Variants in DCTN1 observed in about 807,000 individuals in gnomAD.
DCTN1 encodes the protein 150 kDa dynein-associated polypeptide.
In DCTN1, 61 loss-of-function variants were observed where a neutral mutation model predicts 161.2. That is an observed-to-expected ratio of 0.38 (90% CI 0.31 to 0.47). DCTN1 has a LOEUF of 0.47. DCTN1 is among the 20% of genes least tolerant of loss of function. The pLI is 0.99. For missense variants in DCTN1, 1,404 were observed against 1,623.7 expected (o/e 0.86, Z 2.33); for synonymous variants, 653 against 632.4 (o/e 1.03, Z -0.49).
Position 74,380,020 on chromosome 2 carries a change from C to G in DCTN1, c.18G>C (p.Arg6Ser), listed in dbSNP as rs554579142. Residue 6 changes from arginine to serine, a missense_variant, in exon 1 of 32, where the codon AGG becomes AGC. Arg to Ser is a moderately radical substitution (Grantham distance 110, BLOSUM62 -1). Transcript: ENST00000628224. MAQSKRHVYSRTPSGS... is the reference protein window; with the variant it reads MAQSKSHVYSRTPSGS... ...GGCCACTTACCCGGCTGTACACGTGCCTCTTGCTCTGTGCCATGTTGCTCA... is the reference window on the plus strand; with the variant it reads ...GGCCACTTACCCGGCTGTACACGTGGCTCTTGCTCTGTGCCATGTTGCTCA... 2 of 1,614,178 alleles carry G rather than the reference C, an allele frequency of 1.2e-6. No individual in the cohort carries two copies. Among genetic ancestry groups the G allele is most frequent in the Admixed American group, 3.3e-5 (2 of 60,024 alleles).
chr2:74,373,093 CCCCTTCT>C, intron 6 of DCTN1, 145 bp from the exon 7 acceptor site: 1 of 737,828 alleles, frequency 1.4e-6, no homozygotes, highest in South Asian at 1.5e-5. Context: ...CCCATCCCAT[CCCCTTCT>C]CCCTTCAGTG....
rs1197164602 is a variant in DCTN1, at chr2:74,363,031, T to C, written c.3492A>G (p.Thr1164=). 8 of 1,613,882 alleles carry C rather than the reference T, an allele frequency of 5.0e-6. No homozygotes were observed. The highest frequency in any genetic ancestry group is 6.8e-6 in the Non-Finnish European group (8 of 1,179,908). Residue 1164 remains threonine, a synonymous_variant, in exon 29 of 32, where the codon ACA becomes ACG. Coordinates refer to ENST00000628224, the MANE Select transcript of DCTN1 (RefSeq NM_004082.5). ...QLLETLNQLS[T]HTHVVDITRT... is the part of the protein sequence containing the mutation. ...GAGTGATGTCTACTACGTGCGTGTG[T>C]GTGCTCAATTGATTCAATGTCTCCA...
chr2:74,391,526 G>A (rs1675997458), intron 1 of DCTN1: 1 of 312,994 alleles, frequency 3.2e-6, no homozygotes, highest in Admixed American at 4.6e-5. Flanking sequence ...ACGCTCGCAG[G>A]AACGGAGGGG....
chr2:74,367,417 G>A lies in DCTN1; in HGVS notation c.2188C>T (p.Leu730=). 1 of 1,614,126 alleles carries A rather than the reference G, an allele frequency of 6.2e-7. No homozygotes were observed. The highest frequency in any genetic ancestry group is 1.1e-5 in the South Asian group (1 of 91,060). Residue 730 remains leucine (L), a synonymous_variant, in exon 19 of 32, where the codon CTG becomes TTG. Transcript: ENST00000628224. Reference sequence around the variant, plus strand: ...TGTTCGGCAAGGTGGATGCTGTACAGATGCTGAGGAGAGATAACAGACAGA... The same window carrying A: ...TGTTCGGCAAGGTGGATGCTGTACAAATGCTGAGGAGAGATAACAGACAGA... ...LTKAIKYYQH[L]YSIHLAEQPE...
chr2:74,367,848 T>G lies in DCTN1; in HGVS notation c.2032A>C (p.Ser678Arg). Residue 678 changes from serine to arginine, a missense_variant, in exon 18 of 32, where the codon AGT becomes CGT. By Grantham distance (110) the Ser-to-Arg change is moderately radical (BLOSUM62 -1). Coordinates refer to ENST00000628224, the MANE Select transcript of DCTN1 (RefSeq NM_004082.5). ...HRYEHALSQC[S>R]VDVYKKVGSL... ...CCCACTTTCTTATACACATCCACAC[T>G]GCACTGAGAGAGGGCACTAGAGACC... 3.1e-6 allele frequency: 5 copies of G among 1,614,192 alleles called. No individual in the cohort carries two copies. The highest frequency in any genetic ancestry group is 4.2e-6 in the Non-Finnish European group (5 of 1,180,032).
At position 74,371,003 on chromosome 2, in the gene DCTN1, C is replaced by G; in HGVS notation, c.819G>C (p.Gln273His). 6.2e-7 allele frequency: 1 copy of G among 1,614,142 alleles called. No individual in the cohort carries two copies. Among genetic ancestry groups the G allele is most frequent in the Non-Finnish European group, 8.5e-7 (1 of 1,180,034 alleles). ...SKMQEQQADL[Q>H]RRLKEARKEA... ...CCTTTCTCGCCTCCTTGAGGCGCCG[C>G]TGCAGGTCGGCCTGCTGCTCCTGCA... Residue 273 changes from glutamine (Q) to histidine (H), a missense_variant, in exon 9 of 32, where the codon CAG (glutamine) becomes CAC (histidine). Transcript: ENST00000628224.
At position 74,371,544 on chromosome 2, in the gene DCTN1, G is replaced by A. The variant is rs754827026; in HGVS notation, c.638C>T (p.Pro213Leu). 2.5e-6 allele frequency: 4 copies of A among 1,573,228 alleles called. No homozygotes were observed. Among genetic ancestry groups the A allele is most frequent in the Non-Finnish European group, 1.7e-6 (2 of 1,159,522 alleles). The change falls in exon 8 of 32, where the codon CCA becomes CTA. Residue 213 changes from proline to leucine, a missense_variant. By Grantham distance (98) the Pro-to-Leu change is moderately conservative (BLOSUM62 -3). Coordinates refer to ENST00000628224, the MANE Select transcript of DCTN1 (RefSeq NM_004082.5). Reference protein sequence around the residue: ...SPGAVPPLPSPSKEEEGLRAQ... With the variant: ...SPGAVPPLPSLSKEEEGLRAQ... ...CCCTACCCCAGGCCTTACCTTGGAT[G>A]GGGAAGGAAGCGGGGGGACTGCTCC...
In DCTN1 at chr2:74,372,986, G is replaced by T. The variant is rs112570510; in HGVS notation, c.433-38C>A. 81 of 1,606,886 alleles carry T rather than the reference G, an allele frequency of 5.0e-5. 1 individual carries two copies. In the African/African-American group the frequency reaches 8.8e-4, roughly 17 times the overall value. On this transcript the variant is annotated intron_variant, in intron 6 of 31. Transcript: ENST00000628224. ...CAGGAGCCAGAAGAGAAGTAGTCAG[G>T]AAAGAAAGGACAATGGCAGAAAGAC... is the stretch of plus-strand genomic sequence containing the variant.
rs1002541605 is a variant in DCTN1, at chr2:74,376,850, C to T, written c.394-88G>A. 29 of 1,254,376 alleles carry T rather than the reference C, an allele frequency of 2.3e-5. No individual in the cohort carries two copies. The African/African-American group carries it at 2.5e-4, about 11-fold the overall frequency. The allele number at this position is 1,254,376 out of a possible 1,614,324, so 77.7% of individuals were successfully genotyped here. Reference sequence around the variant, plus strand: ...CCAACTCGGGCTTACACAGGTTAGACGCGGGTAGGGGGGAGTCAGGGTGAG... The same window carrying T: ...CCAACTCGGGCTTACACAGGTTAGATGCGGGTAGGGGGGAGTCAGGGTGAG... On this transcript the variant is annotated intron_variant, in intron 4 of 31. Coordinates refer to ENST00000628224, the MANE Select transcript of DCTN1 (RefSeq NM_004082.5).
intron 19 of DCTN1, 43 bp from the exon 20 acceptor site, chr2:74,367,150 C>A: frequency 6.2e-7 from 1 of 1,608,984 alleles, no homozygotes; most frequent in Non-Finnish European, 8.5e-7. Context: ...CCAGCAGGAG[C>A]CCTTCTGCCT....
rs1675326482 is a variant in DCTN1, at chr2:74,378,018, G to A, written c.261C>T (p.Ile87=). The change falls in exon 2 of 32, where the codon ATC becomes ATT. Residue 87 remains isoleucine, a synonymous_variant. Coordinates refer to ENST00000628224, the MANE Select transcript of DCTN1 (RefSeq NM_004082.5). ...KYFTCDEGHG[I]FVRQSQIQVF... The stretch of plus-strand genomic sequence containing the variant: ...TGAATACCTGGGACTGGCGCACAAA[G>A]ATGCCATGCCCTTCATCACAAGTGA... The A allele has an allele frequency of 6.2e-7, 1 of 1,614,168 alleles. No individual in the cohort carries two copies. The highest frequency in any genetic ancestry group is 1.3e-5 in the African/African-American group (1 of 74,962).
chr2:74,390,645 G>T (rs1192823677), intron 1 of DCTN1: 1 of 467,310 alleles, frequency 2.1e-6, no homozygotes, highest in South Asian at 1.6e-5. Flanking sequence ...GGAAAACATG[G>T]TCTCTAACTT....
chr2:74,380,382 T>C, upstream of DCTN1: 2 of 506,136 alleles, frequency 4.0e-6, no homozygotes, highest in South Asian at 3.4e-5. Context: ...CTGCTTCACG[T>C]GGGCCAGAAA....
Position 74,370,854 on chromosome 2 carries a change from T to C in DCTN1, c.844-29A>G, listed in dbSNP as rs1203866835. On this transcript the variant is annotated intron_variant, in intron 9 of 31. Coordinates refer to ENST00000628224, the MANE Select transcript of DCTN1 (RefSeq NM_004082.5). This position sits in a 1 kb window ranked among gnomAD's most constrained non-coding sequence, Gnocchi z 4.4. ...AGGAAGAAGTGGAGGTGGGAGGGGG[T>C]ACCAGCACAGAGATGCCCCAGGCCT... 1 of 1,613,820 alleles carries C rather than the reference T, an allele frequency of 6.2e-7. No individual in the cohort carries two copies. Among genetic ancestry groups the C allele is most frequent in the Non-Finnish European group, 8.5e-7 (1 of 1,179,842 alleles).
At chr2:74,367,472 G>A (rs767054156) in intron 18 of DCTN1, 52 bp from the exon 19 acceptor site, 1 of 1,601,094 alleles carries the variant, frequency 6.2e-7, no homozygotes, top group Non-Finnish European at 8.5e-7. Flanking sequence ...CGGGTGGGGA[G>A]TTCTTCCCAA....
chr2:74,362,678 G>T lies in DCTN1; in HGVS notation c.3581C>A (p.Ser1194Tyr). The T allele has an allele frequency of 6.2e-7, 1 of 1,613,994 alleles. No homozygotes were observed. Among genetic ancestry groups the T allele is most frequent in the South Asian group, 1.1e-5 (1 of 91,038 alleles). Residue 1194 changes from serine to tyrosine, a missense_variant, in exon 30 of 32, where the codon TCC (serine) becomes TAC (tyrosine). Ser to Tyr is a moderately radical substitution (Grantham distance 144, BLOSUM62 -2). Coordinates refer to ENST00000628224, the MANE Select transcript of DCTN1 (RefSeq NM_004082.5). Reference sequence around the variant, plus strand: ...GAGCTTCTCGACGGTGTCACTCAGGGACTTAAGCTGAGCCACTTGCTCCAT... The same window carrying T: ...GAGCTTCTCGACGGTGTCACTCAGGTACTTAAGCTGAGCCACTTGCTCCAT... Reference protein sequence around the residue: ...QLMEQVAQLKSLSDTVEKLKD... With the variant: ...QLMEQVAQLKYLSDTVEKLKD...
intron 1 of DCTN1, among the ~76,000 whole-genome samples, chr2:74,379,171 TC>T (rs774245026): frequency 3.3e-5 from 5 of 152,000 alleles, no homozygotes; most frequent in Non-Finnish European, 7.4e-5. Context: ...GAAAATTAGG[TC>T]CCAAATAGGC....
upstream of DCTN1, chr2:74,380,314 G>C: frequency 5.2e-6 from 3 of 577,810 alleles, no homozygotes; most frequent in Admixed American, 2.6e-5. Flanking sequence ...CTCACTCTGC[G>C]CTAGTGCTGC....
chr2:74,361,754 G>A (rs1674011245), intron 31 of DCTN1, 118 bp from the exon 32 acceptor site: 3 of 1,317,840 alleles, frequency 2.3e-6, no homozygotes, highest in Non-Finnish European at 3.3e-6. Context: ...GGGCTTCTGA[G>A]ATCCTGGGCT....
Sources: allele counts gnomAD v4.1 joint callset (sites outside exome capture counted in the v4.1 genomes callset), GRCh38; gene constraint gnomAD v4.1.1; non-coding constraint Gnocchi (gnomAD v3.1); transcripts MANE v1.5; gene names NCBI Gene and HGNC (gene_info 2026-07-23, HGNC 2026-07-21).